SNRNP70: variants seen among roughly 807,000 people sequenced by gnomAD.
SNRNP70 encodes small nuclear ribonucleoprotein U1 subunit 70.
In SNRNP70, 8 loss-of-function variants were observed where a neutral mutation model predicts 50.5. The observed-to-expected ratio is 0.16, with a 90% CI of 0.09 to 0.29. SNRNP70 has a LOEUF of 0.29. Among genes scored for constraint, SNRNP70 ranks in the 10% least tolerant of loss-of-function variants. The probability of loss-of-function intolerance (pLI) is 1.00; values close to 1 mark genes in which losing one functional copy is unlikely to be tolerated. For synonymous variants in SNRNP70, 320 were observed against 252.9 expected (o/e 1.27, Z -2.52); for missense variants, 529 against 663.5 (o/e 0.80, Z 2.23).
At chr19:49,090,248 C>G (rs1228054734) in intron 2 of SNRNP70, 43 bp from the exon 3 acceptor site, 1 of 1,564,304 alleles carries the variant, frequency 6.4e-7, no homozygotes, top group Non-Finnish European at 8.8e-7. Flanking sequence ...CTTGCCATTT[C>G]CCCCAGTCCT....
chr19:49,098,279 G>C, intron 4 of SNRNP70, 148 bp from the exon 5 acceptor site: 1 of 682,308 alleles, frequency 1.5e-6, no homozygotes, highest in Non-Finnish European at 2.6e-6. Flanking sequence ...GGGCGTCCCT[G>C]AGGTTGCCAG....
chr19:49,104,251 G>GGA lies in SNRNP70; in HGVS notation c.476-383_476-382insGA, dbSNP rs2040634249. 5.5e-6 allele frequency: 1 copy of GGA among 182,386 alleles called. No individual in the cohort carries two copies. The highest frequency in any genetic ancestry group is 6.2e-5 in the Admixed American group (1 of 16,004). The allele number at this position is 182,386 out of a possible 1,614,324, so 11.3% of individuals were successfully genotyped here. On this transcript the variant is annotated intron_variant, in intron 7 of 9. Transcript: ENST00000598441. The surrounding 1 kb of genome is among the most constrained non-coding windows in gnomAD (Gnocchi z 5.4). ...GGTGCATGCTTGGGGTTGTGGAGGA[G>GGA]CCCCCTCCCCCACAGCAGAGTCCAG...
Position 49,104,501 on chromosome 19 carries a change from T to G in SNRNP70, c.476-133T>G. ...AGGGTTGGTCTGGCTGTCAGTTGCC[T>G]GGCTGTCTGTTGGGCGTGTGCGTGT... On this transcript the variant is annotated intron_variant, in intron 7 of 9. Coordinates refer to ENST00000598441, the MANE Select transcript of SNRNP70 (RefSeq NM_003089.6). This position sits in a 1 kb window ranked among gnomAD's most constrained non-coding sequence, Gnocchi z 5.4. 1 of 699,768 alleles carries G rather than the reference T, an allele frequency of 1.4e-6. No homozygotes were observed. The allele number at this position is 699,768 out of a possible 1,614,324, so 43.3% of individuals were successfully genotyped here.
Position 49,086,438 on chromosome 19 carries a change from C to A in SNRNP70, c.24C>A (p.Asn8Lys). ...AGATGACCCAGTTCCTGCCGCCCAACCTTCTGGCCCTCTTTGCCCCCCGTG... is the reference window on the plus strand; with the variant it reads ...AGATGACCCAGTTCCTGCCGCCCAAACTTCTGGCCCTCTTTGCCCCCCGTG... MTQFLPP[N>K]LLALFAPRDP... is the part of the protein sequence containing the mutation. Residue 8 changes from asparagine to lysine, a missense_variant, in exon 2 of 10, where the codon AAC becomes AAA. Physicochemically the swap from Asn to Lys is moderately conservative, Grantham distance 94. Transcript: ENST00000598441. The A allele has an allele frequency of 6.2e-7, 1 of 1,613,650 alleles. No homozygotes were observed. The highest frequency in any genetic ancestry group is 8.5e-7 in the Non-Finnish European group (1 of 1,179,776).
At chr19:49,088,613 CAGCCTCCTG>C (rs1273540801) in intron 2 of SNRNP70, among the ~76,000 whole-genome samples, 2 of 151,766 alleles carry the variant, frequency 1.3e-5, no homozygotes, top group African/African-American at 4.8e-5. Context: ...TCTCCTGCCT[CAGCCTCCTG>C]AGTAGCTGGG....
chr19:49,104,559 G>C lies in SNRNP70; in HGVS notation c.476-75G>C, dbSNP rs1032369936. Reference sequence around the variant, plus strand: ...GATGGGGACACGGGGCGGGGATTCTGTAGAGCTGGGCCTGTCCTGACTAGA... The same window carrying C: ...GATGGGGACACGGGGCGGGGATTCTCTAGAGCTGGGCCTGTCCTGACTAGA... On this transcript the variant is annotated intron_variant, in intron 7 of 9. Transcript: ENST00000598441. This position sits in a 1 kb window ranked among gnomAD's most constrained non-coding sequence, Gnocchi z 5.4. 3 of 1,138,524 alleles carry C rather than the reference G, an allele frequency of 2.6e-6. No homozygotes were observed. The Admixed American group carries it at 6.0e-5, about 23-fold the overall frequency. The allele number at this position is 1,138,524 out of a possible 1,614,324, so 70.5% of individuals were successfully genotyped here.
chr19:49,090,633 G>T (rs1334822218), intron 4 of SNRNP70, 113 bp downstream of exon 4: 5 of 1,003,752 alleles, frequency 5.0e-6, no homozygotes, highest in South Asian at 1.4e-5. Context: ...GGGGAACAGG[G>T]TTGTTAGTTC....
intron 7 of SNRNP70, chr19:49,103,001 G>A (rs1338711517): frequency 1.3e-5 from 2 of 152,486 alleles, no homozygotes; most frequent in Admixed American, 1.3e-4. Context: ...CGTGGGTTCA[G>A]GGGCCAAGCG....
At position 49,098,712 on chromosome 19, in the gene SNRNP70, G is replaced by T. The variant is rs377134508; in HGVS notation, c.393+8G>T. 2.6e-5 allele frequency: 42 copies of T among 1,612,458 alleles called. 1 individual carries two copies. Among genetic ancestry groups the T allele is most frequent in the Admixed American group, 1.2e-4 (7 of 60,000 alleles). On this transcript the variant is annotated splice_region_variant and intron_variant, in intron 6 of 9. Coordinates refer to ENST00000598441, the MANE Select transcript of SNRNP70 (RefSeq NM_003089.6). The stretch of plus-strand genomic sequence containing the variant: ...TACGGACCTATCAAAAGAGTAAGTG[G>T]AGTGGGTCAGGGTGTTTGAATTGGG...
chr19:49,086,657 A>C, intron 2 of SNRNP70, 96 bp downstream of exon 2: 1 of 1,175,300 alleles, frequency 8.5e-7, no homozygotes, highest in Non-Finnish European at 1.3e-6. Context: ...CAGCTGCGTG[A>C]TTTAAGCGAG....
At chr19:49,087,177 CAAAAAAAAA>C (rs11398967) in intron 2 of SNRNP70, among the ~76,000 whole-genome samples, 2 of 100,638 alleles carry the variant, frequency 2.0e-5, no homozygotes, top group South Asian at 3.6e-4. Context: ...AAGACTGTCT[CAAAAAAAAA>C]AAAAAAAAAA....
intron 7 of SNRNP70, chr19:49,101,718 C>T: frequency 1.9e-6 from 1 of 519,270 alleles, no homozygotes; most frequent in Non-Finnish European, 3.5e-6. Flanking sequence ...CACGTTGAAC[C>T]TCAGGGGCAA....
intron 4 of SNRNP70, among the ~76,000 whole-genome samples, chr19:49,091,845 A>G (rs1255778126): frequency 6.6e-6 from 1 of 152,142 alleles, no homozygotes; most frequent in African/African-American, 2.4e-5. Context: ...TTCCCTCGCC[A>G]CCAACCTGGT....
rs878878738 is a variant in SNRNP70, at chr19:49,107,574, C to T, written c.578-51C>T. On this transcript the variant is annotated intron_variant, in intron 8 of 9. Coordinates refer to ENST00000598441, the MANE Select transcript of SNRNP70 (RefSeq NM_003089.6). The surrounding 1 kb of genome is among the most constrained non-coding windows in gnomAD (Gnocchi z 6.0). ...TGGAGTCGGCTCATTTCTGCTCCTCCGGGCCCTGTCCCTGCCCAGATTCAC... is the reference window on the plus strand; with the variant it reads ...TGGAGTCGGCTCATTTCTGCTCCTCTGGGCCCTGTCCCTGCCCAGATTCAC... The T allele has an allele frequency of 3.8e-6, 6 of 1,565,664 alleles. No individual in the cohort carries two copies. The highest frequency in any genetic ancestry group is 1.4e-5 in the African/African-American group (1 of 74,000).
chr19:49,086,226 C>A (rs2040376966), intron 1 of SNRNP70, among the ~76,000 whole-genome samples, 179 bp from the exon 2 acceptor site: 1 of 152,196 alleles, frequency 6.6e-6, no homozygotes, highest in South Asian at 2.1e-4. Context: ...CCTTTCACCT[C>A]CACCCCCACC....
chr19:49,085,606 A>C lies in SNRNP70; in HGVS notation c.-41A>C, dbSNP rs1036402610. On this transcript the variant is annotated 5_prime_UTR_variant, in exon 1 of 10. Coordinates refer to ENST00000598441, the MANE Select transcript of SNRNP70 (RefSeq NM_003089.6). ...TGCCGCAGCCGCCGCGAGCCTCCGGACAGACGCCAGAGCGAGGAGGGCGCT... is the reference window on the plus strand; with the variant it reads ...TGCCGCAGCCGCCGCGAGCCTCCGGCCAGACGCCAGAGCGAGGAGGGCGCT... 5 of 456,062 alleles carry C rather than the reference A, an allele frequency of 1.1e-5. No homozygotes were observed. Among genetic ancestry groups the C allele is most frequent in the African/African-American group, 4.0e-5 (2 of 50,204 alleles). The allele number at this position is 456,062 out of a possible 1,614,324, so 28.3% of individuals were successfully genotyped here. A position where few individuals can be genotyped will look rare whatever the true frequency, so the allele number is the denominator to read the frequency against.
At position 49,104,250 on chromosome 19, in the gene SNRNP70, A is replaced by C; in HGVS notation, c.476-384A>C. ...GGGTGCATGCTTGGGGTTGTGGAGG[A>C]GCCCCCTCCCCCACAGCAGAGTCCA... On this transcript the variant is annotated intron_variant, in intron 7 of 9. Coordinates refer to ENST00000598441, the MANE Select transcript of SNRNP70 (RefSeq NM_003089.6). This position sits in a 1 kb window ranked among gnomAD's most constrained non-coding sequence, Gnocchi z 5.4. 1 of 178,858 alleles carries C rather than the reference A, an allele frequency of 5.6e-6. No individual in the cohort carries two copies. Among genetic ancestry groups the C allele is most frequent in the Non-Finnish European group, 1.2e-5 (1 of 85,256 alleles). The allele number at this position is 178,858 out of a possible 1,614,324, so 11.1% of individuals were successfully genotyped here. A position where few individuals can be genotyped will look rare whatever the true frequency, so the allele number is the denominator to read the frequency against.
At chr19:49,102,259 G>T in intron 7 of SNRNP70, 1 of 1,081,456 alleles carries the variant, frequency 9.2e-7, no homozygotes, top group East Asian at 5.9e-5. Context: ...GAGCAGCGAG[G>T]CGCCCCTCCT....
In SNRNP70 at chr19:49,097,588, G is replaced by A. The variant is rs116763716; in HGVS notation, c.266-839G>A. 5.0e-3 allele frequency among the ~76,000 whole-genome samples: 767 copies of A among 152,214 alleles called. 3 individuals carry two copies. The highest frequency in any genetic ancestry group is 0.017 in the African/African-American group (712 of 41,512). ...TCTCCCAGAATGTGACAGGGCTTCC[G>A]AGGGAAACACTATACCATGGAAGAA... On this transcript the variant is annotated intron_variant, in intron 4 of 9. Coordinates refer to ENST00000598441, the MANE Select transcript of SNRNP70 (RefSeq NM_003089.6).
Sources: gnomAD v4.1 joint callset for allele counts (sites outside exome capture counted in the v4.1 genomes callset) on GRCh38, gnomAD v4.1.1 for gene constraint, Gnocchi (gnomAD v3.1) non-coding constraint, MANE v1.5 for transcripts, NCBI Gene and HGNC (gene_info 2026-07-23, HGNC 2026-07-21) for gene names.